Variants in KIAA0319L observed in about 807,000 individuals in gnomAD.
KIAA0319L encodes the protein KIAA0319 like, also known as dyslexia-associated protein KIAA0319-like protein.
In KIAA0319L, 55 loss-of-function variants were observed where a neutral mutation model predicts 120.1. That is an observed-to-expected ratio of 0.46 (90% CI 0.37 to 0.57). The LOEUF (loss-of-function observed/expected upper bound fraction) is 0.57. Ranked by LOEUF, KIAA0319L falls within the 20% of genes least tolerant of loss-of-function variation. KIAA0319L has a pLI of 0.00. For synonymous variants in KIAA0319L, 398 were observed against 471.9 expected (o/e 0.84, Z 2.03); for missense variants, 1,049 against 1,255.3 (o/e 0.84, Z 2.48).
intron 9 of KIAA0319L, among the ~76,000 whole-genome samples, chr1:35,457,093 G>A (rs1180901660): frequency 6.6e-6 from 1 of 152,116 alleles, no homozygotes; most frequent in South Asian, 2.1e-4. Context: ...TATAAGAATT[G>A]TCTGATATGG....
At chr1:35,447,375 A>G (rs1341243204) in intron 16 of KIAA0319L, among the ~76,000 whole-genome samples, 1 of 151,428 alleles carries the variant, frequency 6.6e-6, no homozygotes, top group Non-Finnish European at 1.5e-5. Context: ...CTTGCATATA[A>G]CTGTTCTCAA....
In KIAA0319L at chr1:35,521,669, A is replaced by T. The variant is rs1028820031; in HGVS notation, c.143-14534T>A. ...TAATAATAAAATAAATAAATAAATA[A>T]AAATAAATAAATAAATAAGTAGGCC... On this transcript the variant is annotated intron_variant, in intron 2 of 20. Coordinates refer to ENST00000325722, the MANE Select transcript of KIAA0319L (RefSeq NM_024874.5). Among the ~76,000 whole-genome samples, 51 of 146,352 alleles carry T rather than the reference A, an allele frequency of 3.5e-4. No individual in the cohort carries two copies. In the East Asian group the frequency reaches 3.5e-3, roughly 10 times the overall value.
intron 3 of KIAA0319L, among the ~76,000 whole-genome samples, chr1:35,495,702 G>C (rs770686596): frequency 6.6e-6 from 1 of 151,948 alleles, no homozygotes; most frequent in Admixed American, 6.6e-5. Flanking sequence ...ACCCAGGCTA[G>C]AGTGTGGTGG....
rs372677821 is a variant in KIAA0319L at position 35,504,346 on chromosome 1, G to A, written c.666+2266C>T. 5.9e-5 allele frequency among the ~76,000 whole-genome samples: 9 copies of A among 151,958 alleles called. No homozygotes were observed. The South Asian group carries it at 1.0e-3, about 18-fold the overall frequency. On this transcript the variant is annotated intron_variant, in intron 3 of 20. Transcript: ENST00000325722. Reference sequence around the variant, plus strand: ...CGAGTAGCTGGGACTACAGGCGCCTGCCACCACGCCCGGCTAACTTTTTGT... The same window carrying A: ...CGAGTAGCTGGGACTACAGGCGCCTACCACCACGCCCGGCTAACTTTTTGT...
chr1:35,447,406 T>C (rs1268716102), intron 16 of KIAA0319L, among the ~76,000 whole-genome samples: 2 of 152,110 alleles, frequency 1.3e-5, no homozygotes, highest in Non-Finnish European at 2.9e-5. Flanking sequence ...CAGTCTTGTC[T>C]TCTACCACAT....
intron 17 of KIAA0319L, chr1:35,443,313 G>A: frequency 2.9e-6 from 1 of 345,320 alleles, no homozygotes; most frequent in South Asian, 4.8e-5. Flanking sequence ...TCTCACAATT[G>A]GAAAAATAAA....
chr1:35,490,026 T>C (rs1156663123), intron 3 of KIAA0319L, among the ~76,000 whole-genome samples: 1 of 152,134 alleles, frequency 6.6e-6, no homozygotes, highest in Non-Finnish European at 1.5e-5. Flanking sequence ...CATGACGCGA[T>C]CTTGGCTCAC....
At chr1:35,494,685 C>T (rs1644732807) in intron 3 of KIAA0319L, among the ~76,000 whole-genome samples, 1 of 151,350 alleles carries the variant, frequency 6.6e-6, no homozygotes, top group Admixed American at 6.6e-5. Context: ...GTGGTGCATG[C>T]CTATAGTCCT....
intron 3 of KIAA0319L, among the ~76,000 whole-genome samples, chr1:35,479,809 G>A (rs946954326): frequency 2.0e-5 from 3 of 151,726 alleles, no homozygotes; most frequent in Non-Finnish European, 2.9e-5. Context: ...AGGCTGAGGT[G>A]GGAGAATCGC....
intron 3 of KIAA0319L, among the ~76,000 whole-genome samples, chr1:35,501,907 C>T (rs529219860): frequency 2.7e-5 from 4 of 150,886 alleles, no homozygotes; most frequent in East Asian, 2.0e-4. Flanking sequence ...GGACTGAGTC[C>T]GTACAGAATC....
Position 35,435,096 on chromosome 1 carries a change from AG to A in KIAA0319L, c.2963-16del, listed in dbSNP as rs1392996611. On this transcript the variant is annotated splice_polypyrimidine_tract_variant and intron_variant, in intron 20 of 20. Coordinates refer to ENST00000325722, the MANE Select transcript of KIAA0319L (RefSeq NM_024874.5). ...CTGTTTGATGCCTGCAGGGAAAACA[AG>A]GAATCCAGCATCAGGAGACTGGCCT... The A allele has an allele frequency of 6.2e-7, 1 of 1,611,828 alleles. No individual in the cohort carries two copies. The highest frequency in any genetic ancestry group is 1.7e-5 in the Admixed American group (1 of 59,884).
intron 2 of KIAA0319L, among the ~76,000 whole-genome samples, chr1:35,547,269 T>C (rs1647018455): frequency 6.7e-6 from 1 of 148,718 alleles, no homozygotes; most frequent in African/African-American, 2.4e-5. Context: ...TATATTTTAC[T>C]ATAGTGCAAT....
intron 4 of KIAA0319L, 92 bp from the exon 5 acceptor site, chr1:35,474,998 A>G: frequency 1.4e-6 from 1 of 732,834 alleles, no homozygotes; most frequent in Non-Finnish European, 2.3e-6. Context: ...TTTCATGATC[A>G]ATATTCAGCT....
intron 3 of KIAA0319L, among the ~76,000 whole-genome samples, chr1:35,495,635 G>A (rs933076712): frequency 1.4e-4 from 22 of 151,792 alleles, no homozygotes; most frequent in Non-Finnish European, 2.9e-5. Flanking sequence ...TTTTTTGTTT[G>A]TTTGGTTTTG....
chr1:35,500,320 G>A (rs535360780), intron 3 of KIAA0319L, among the ~76,000 whole-genome samples: 5 of 152,066 alleles, frequency 3.3e-5, no homozygotes, highest in Non-Finnish European at 5.9e-5. Context: ...TACTGTACAC[G>A]TTCCAGGACC....
At chr1:35,520,961 G>A (rs967208649) in intron 2 of KIAA0319L, among the ~76,000 whole-genome samples, 1 of 152,196 alleles carries the variant, frequency 6.6e-6, no homozygotes, top group African/African-American at 2.4e-5. Context: ...TATGTGACAC[G>A]ATATCAAAAA....
chr1:35,546,740 C>T (rs1427091534), intron 2 of KIAA0319L, among the ~76,000 whole-genome samples: 1 of 152,164 alleles, frequency 6.6e-6, no homozygotes, highest in Non-Finnish European at 1.5e-5. Flanking sequence ...AAGCCAAGTT[C>T]CATTTCCTCC....
intron 3 of KIAA0319L, among the ~76,000 whole-genome samples, chr1:35,491,551 C>T (rs893167910): frequency 1.5e-4 from 23 of 151,758 alleles, no homozygotes; most frequent in South Asian, 6.2e-4. Flanking sequence ...CACAGTATCT[C>T]GAAAGTACTG....
chr1:35,508,507 T>C (rs1401939554), intron 2 of KIAA0319L, among the ~76,000 whole-genome samples: 3 of 152,176 alleles, frequency 2.0e-5, no homozygotes, highest in Admixed American at 6.5e-5. Context: ...TTCTAGAGTA[T>C]TGAGTCAGGA....
Sources: gnomAD v4.1 joint callset for allele counts (sites outside exome capture counted in the v4.1 genomes callset) on GRCh38, gnomAD v4.1.1 for gene constraint, MANE v1.5 for transcripts, NCBI Gene and HGNC (gene_info 2026-07-23, HGNC 2026-07-21) for gene names.